The following SFI1 variants were observed in gnomAD, a reference collection of about 807,000 sequenced individuals.
SFI1 encodes the protein SFI1 centrin binding protein.
A neutral mutation model predicts 207.5 loss-of-function variants in SFI1; 195 were observed. The ratio of observed to expected loss-of-function variants is 0.94; its 90% confidence interval spans 0.84 to 1.06. SFI1 has a LOEUF of 1.06. SFI1 is among the 50% of genes least tolerant of loss of function. The pLI is 0.00. For synonymous variants in SFI1, 630 were observed against 598.9 expected, an observed-to-expected ratio of 1.05 and a Z score of -0.76; for missense variants, 1,634 against 1,588.0, an observed-to-expected ratio of 1.03 and a Z score of -0.49.
chr22:31,564,537 C>A (rs535632687), intron 8 of SFI1, among the ~76,000 whole-genome samples: 1 of 152,168 alleles, frequency 6.6e-6, no homozygotes, highest in African/African-American at 2.4e-5. Context: ...CAGGATCTTA[C>A]TCTGCTGCCC....
chr22:31,608,774 G>C (rs1204904431), intron 22 of SFI1, among the ~76,000 whole-genome samples: 1 of 152,022 alleles, frequency 6.6e-6, no homozygotes, highest in African/African-American at 2.4e-5. Context: ...GTGTAGCTGG[G>C]CCCTTAAATG....
chr22:31,514,950 T>C (rs1421019319), intron 2 of SFI1, among the ~76,000 whole-genome samples: 1 of 152,062 alleles, frequency 6.6e-6, no homozygotes, highest in African/African-American at 2.4e-5. Flanking sequence ...TTTTGTATTT[T>C]TAGTAGAGAC....
At chr22:31,598,301 T>G (rs966546055) in intron 15 of SFI1, among the ~76,000 whole-genome samples, 1 of 151,592 alleles carries the variant, frequency 6.6e-6, no homozygotes, top group South Asian at 2.1e-4. Context: ...TCATAATTTA[T>G]GCACCTATAT....
Position 31,580,542 on chromosome 22 carries a change from C to CTT in SFI1, c.1248+197_1248+198dup, listed in dbSNP as rs11347645. ...GCATTTTCTTTCTTTCTTTTCTTTTCTTTTTTTTTTTTTTTTTTTTGAGAC... is the reference window on the plus strand; with the variant it reads ...GCATTTTCTTTCTTTCTTTTCTTTTCTTTTTTTTTTTTTTTTTTTTTTGAGAC... On this transcript the variant is annotated intron_variant, in intron 12 of 32. Transcript: ENST00000400288. Among the ~76,000 whole-genome samples, 167 of 117,264 alleles carry CTT rather than the reference C, an allele frequency of 1.4e-3. 1 individual carries two copies. The highest frequency in any genetic ancestry group is 2.2e-3 in the Non-Finnish European group (127 of 57,200). The allele number at this position is 117,264 out of a possible 152,430, so 76.9% of individuals were successfully genotyped here.
chr22:31,575,335 G>A lies in SFI1; in HGVS notation c.1027G>A (p.Val343Met). The A allele has an allele frequency of 6.2e-7, 1 of 1,613,208 alleles. No individual in the cohort carries two copies. Among genetic ancestry groups the A allele is most frequent in the Non-Finnish European group, 8.5e-7 (1 of 1,179,714 alleles). Residue 343 changes from valine (V) to methionine (M), a missense_variant, in exon 10 of 33, where the codon GTG (valine) becomes ATG (methionine). Transcript: ENST00000400288. ...GAGCTTGTACGCTCACCATGCCCAGGTGGAGAAACTGGCCAGGAAGATGGC... is the reference window on the plus strand; with the variant it reads ...GAGCTTGTACGCTCACCATGCCCAGATGGAGAAACTGGCCAGGAAGATGGC... ...RESLYAHHAQ[V>M]EKLARKMALR...
At position 31,618,527 on chromosome 22, in the gene SFI1, C is replaced by CAATT. The variant is rs562756194; in HGVS notation, c.*112_*115dup. The stretch of plus-strand genomic sequence containing the variant: ...ATTTTTTTTATTTCAAAATGCTTTG[C>CAATT]AATTAAATGAATTACTGTTCAGAAG... On this transcript the variant is annotated 3_prime_UTR_variant, in exon 33 of 33. Transcript: ENST00000400288. 5.1e-4 allele frequency: 571 copies of CAATT among 1,113,136 alleles called. 2 individuals are homozygous for CAATT. Among genetic ancestry groups the CAATT allele is most frequent in the African/African-American group, 3.5e-3 (224 of 63,360 alleles). 69.0% of individuals were successfully genotyped at this position (1,113,136 alleles called of 1,614,324 possible). A position where few individuals can be genotyped will look rare whatever the true frequency, so the allele number is the denominator to read the frequency against.
chr22:31,618,541 A>G lies in SFI1; in HGVS notation c.*123A>G. On this transcript the variant is annotated 3_prime_UTR_variant, in exon 33 of 33. Transcript: ENST00000400288. Reference sequence around the variant, plus strand: ...AAAATGCTTTGCAATTAAATGAATTACTGTTCAGAAGTCTCCCACTTTTCA... The same window carrying G: ...AAAATGCTTTGCAATTAAATGAATTGCTGTTCAGAAGTCTCCCACTTTTCA... 2 of 1,031,654 alleles carry G rather than the reference A, an allele frequency of 1.9e-6. No homozygotes were observed. Among genetic ancestry groups the G allele is most frequent in the Non-Finnish European group, 1.3e-6 (1 of 751,082 alleles). 63.9% of individuals were successfully genotyped at this position (1,031,654 alleles called of 1,614,324 possible).
chr22:31,510,998 C>T (rs1051355826), intron 2 of SFI1, among the ~76,000 whole-genome samples: 1 of 151,794 alleles, frequency 6.6e-6, no homozygotes, highest in African/African-American at 2.4e-5. Context: ...TTTTCTTAAA[C>T]TAATTTGAAT....
intron 12 of SFI1, among the ~76,000 whole-genome samples, chr22:31,583,434 T>C (rs960867855): frequency 6.6e-6 from 1 of 152,194 alleles, no homozygotes; most frequent in Non-Finnish European, 1.5e-5. Context: ...ATGTTATTGA[T>C]TTATCTGATT....
chr22:31,600,909 T>G (rs2067993254), intron 15 of SFI1, among the ~76,000 whole-genome samples: 1 of 152,224 alleles, frequency 6.6e-6, no homozygotes, highest in Admixed American at 6.5e-5. Flanking sequence ...AAGTGGAATC[T>G]TTGCTTTAAG....
At chr22:31,613,262 C>T (rs2070712343) in intron 25 of SFI1, 46 bp downstream of exon 25, 2 of 1,612,346 alleles carry the variant, frequency 1.2e-6, no homozygotes, top group Non-Finnish European at 1.7e-6. Context: ...TCCCTCAGGC[C>T]TTAGCCCTGC....
intron 2 of SFI1, among the ~76,000 whole-genome samples, chr22:31,517,628 T>C (rs751469166): frequency 5.3e-5 from 8 of 152,314 alleles, no homozygotes; most frequent in Non-Finnish European, 1.2e-4. Flanking sequence ...AATTGACTTT[T>C]GTTGATCATG....
At chr22:31,508,039 G>A (rs1172332559) in intron 1 of SFI1, among the ~76,000 whole-genome samples, 1 of 151,994 alleles carries the variant, frequency 6.6e-6, no homozygotes, top group Non-Finnish European at 1.5e-5. Flanking sequence ...TCGTGCCACT[G>A]CACTCCAGCC....
chr22:31,527,275 A>G (rs1042560070), intron 2 of SFI1, among the ~76,000 whole-genome samples: 16 of 152,212 alleles, frequency 1.1e-4, no homozygotes, highest in African/African-American at 3.6e-4. Context: ...CTTACTTTTT[A>G]TAGTTACCCC....
chr22:31,565,425 C>T lies in SFI1; in HGVS notation c.765+4033C>T, dbSNP rs193210607. On this transcript the variant is annotated intron_variant, in intron 8 of 32. Coordinates refer to ENST00000400288, the MANE Select transcript of SFI1 (RefSeq NM_001007467.3). ...TCACTTAAAAAGGCGGGAGGGGTCA[C>T]GGTGGCCTACACCTGAATACTAGGA... Among the ~76,000 whole-genome samples the T allele has an allele frequency of 7.9e-5, 12 of 150,956 alleles. No individual in the cohort carries two copies. In the East Asian group the frequency reaches 1.9e-3, roughly 25 times the overall value.
chr22:31,588,442 G>A (rs1435324399), intron 14 of SFI1, among the ~76,000 whole-genome samples: 1 of 152,200 alleles, frequency 6.6e-6, no homozygotes, highest in Non-Finnish European at 1.5e-5. Flanking sequence ...CACTATCCCA[G>A]CCAGATTCAA....
intron 4 of SFI1, among the ~76,000 whole-genome samples, chr22:31,542,863 C>T (rs1277258864): frequency 4.0e-5 from 6 of 151,460 alleles, no homozygotes; most frequent in Non-Finnish European, 7.4e-5. Flanking sequence ...GGTTTCGCCA[C>T]GTTGGCCAGG....
intron 2 of SFI1, among the ~76,000 whole-genome samples, chr22:31,516,588 G>A (rs12159261): frequency 9.9e-4 from 151 of 152,044 alleles, no homozygotes; most frequent in African/African-American, 3.3e-3. Flanking sequence ...GAAGGCCAAC[G>A]CAGGCAGATC....
chr22:31,531,870 G>A (rs2058562130), intron 4 of SFI1, among the ~76,000 whole-genome samples: 1 of 148,324 alleles, frequency 6.7e-6, no homozygotes, highest in African/African-American at 2.5e-5. Flanking sequence ...TCCAGCCTCG[G>A]CAACAAGAGC....
Sources: gnomAD v4.1 joint callset for allele counts (sites outside exome capture counted in the v4.1 genomes callset) on GRCh38, gnomAD v4.1.1 for gene constraint, MANE v1.5 for transcripts, NCBI Gene and HGNC (gene_info 2026-07-23, HGNC 2026-07-21) for gene names.